Variants in BTG4 observed in about 807,000 individuals in gnomAD.
BTG4 encodes the protein protein BTG4.
A neutral mutation model predicts 19.3 loss-of-function variants in BTG4; 10 were observed. That is an observed-to-expected ratio of 0.52 (90% confidence interval 0.32 to 0.88). The LOEUF is 0.88. Among genes scored for constraint, BTG4 ranks in the 40% least tolerant of loss-of-function variants. The pLI is 0.04. For missense variants in BTG4, 238 were observed against 281.9 expected, an observed-to-expected ratio of 0.84 and a Z score of 1.11; for synonymous variants, 91 against 95.7, an observed-to-expected ratio of 0.95 and a Z score of 0.29.
downstream of BTG4, among the ~76,000 whole-genome samples, chr11:111,464,171 G>C (rs1004432695): frequency 6.6e-5 from 10 of 152,114 alleles, no homozygotes; most frequent in African/African-American, 1.9e-4. Flanking sequence ...TAATTTTTTT[G>C]TATTTTTAGT....
the BTG4 span, among the ~76,000 whole-genome samples, chr11:111,405,615 C>T: frequency 6.6e-6 from 1 of 151,950 alleles, no homozygotes; most frequent in African/African-American, 2.4e-5. Flanking sequence ...AACAATAACC[C>T]AATGTTGCCA....
At chr11:111,484,237 A>G (rs1864914925) in intron 5 of BTG4, among the ~76,000 whole-genome samples, 1 of 152,158 alleles carries the variant, frequency 6.6e-6, no homozygotes, top group Admixed American at 6.5e-5. Flanking sequence ...TTCAATCTGA[A>G]AAAAAGGGAT....
At chr11:111,410,810 T>TC in the BTG4 span, among the ~76,000 whole-genome samples, 1 of 152,216 alleles carries the variant, frequency 6.6e-6, no homozygotes, top group East Asian at 1.9e-4. Flanking sequence ...TCCACAATTT[T>TC]CCCCATCAAA....
chr11:111,423,926 G>A, the BTG4 span, among the ~76,000 whole-genome samples: 3 of 152,080 alleles, frequency 2.0e-5, no homozygotes, highest in Non-Finnish European at 2.9e-5. Flanking sequence ...AGAGGAGGCC[G>A]AGAAAGCCAG....
the BTG4 span, among the ~76,000 whole-genome samples, chr11:111,452,840 T>G: frequency 6.6e-6 from 1 of 152,132 alleles, no homozygotes; most frequent in Non-Finnish European, 1.5e-5. Context: ...AGGACAGACT[T>G]TCCGGAAGAG....
the BTG4 span, among the ~76,000 whole-genome samples, chr11:111,390,598 C>T: frequency 6.6e-6 from 1 of 152,192 alleles, no homozygotes; most frequent in East Asian, 1.9e-4. Context: ...AGCCAATGCC[C>T]TCACAATAAC....
intron 5 of BTG4, among the ~76,000 whole-genome samples, chr11:111,474,735 C>T (rs962099799): frequency 6.6e-6 from 1 of 152,084 alleles, no homozygotes; most frequent in Admixed American, 6.6e-5. Flanking sequence ...TAGATACTAC[C>T]AACTAGAGTT....
chr11:111,447,214 G>C, the BTG4 span, among the ~76,000 whole-genome samples: 1 of 152,232 alleles, frequency 6.6e-6, no homozygotes, highest in Non-Finnish European at 1.5e-5. Flanking sequence ...GATACATCAT[G>C]TGGTTATCCA....
the BTG4 span, among the ~76,000 whole-genome samples, chr11:111,409,502 C>G: frequency 6.6e-6 from 1 of 152,258 alleles, no homozygotes; most frequent in East Asian, 1.9e-4. Flanking sequence ...TCTGTCTTCC[C>G]ATGTGCCCAC....
rs148679276 is a variant in BTG4, at chr11:111,505,953, T to C, written c.-27+6228A>G. On this transcript the variant is annotated intron_variant, in intron 1 of 4. Coordinates refer to ENST00000692032, the MANE Select transcript of BTG4 (RefSeq NM_001367975.1). ...CATCTCACTCCAGTCAGAATGGCTT[T>C]TATTAAAAAGTCAAAAAACAACAGA... is the stretch of plus-strand genomic sequence containing the variant. Among the ~76,000 whole-genome samples the C allele has an allele frequency of 1.5e-4, 23 of 152,234 alleles. No homozygotes were observed. In the East Asian group the frequency reaches 4.4e-3, roughly 29 times the overall value.
the BTG4 span, among the ~76,000 whole-genome samples, chr11:111,444,874 T>G: frequency 6.6e-6 from 1 of 152,060 alleles, no homozygotes; most frequent in African/African-American, 2.4e-5. Context: ...GCGTGGGGGA[T>G]TCCTCTGTGA....
downstream of BTG4, among the ~76,000 whole-genome samples, chr11:111,465,013 GAAAGGGAAAAAATGA>G (rs1264834298): frequency 1.3e-5 from 2 of 152,004 alleles, no homozygotes; most frequent in African/African-American, 4.8e-5. Context: ...TGTGAGGCAG[GAAAGGGAAAAAATGA>G]AAAGGGAAAA....
At chr11:111,455,391 G>C in the BTG4 span, 1 of 250,174 alleles carries the variant, frequency 4.0e-6, no homozygotes, top group Admixed American at 4.5e-5. Context: ...CCAGGCTGCT[G>C]AGGCAGCTGC....
At chr11:111,431,365 T>G in the BTG4 span, among the ~76,000 whole-genome samples, 1 of 152,190 alleles carries the variant, frequency 6.6e-6, no homozygotes, top group Admixed American at 6.5e-5. Context: ...AGCAAGCCTA[T>G]GATGTAGGCA....
chr11:111,493,684 C>T (rs971489716), downstream of BTG4, among the ~76,000 whole-genome samples: 11 of 152,126 alleles, frequency 7.2e-5, no homozygotes, highest in African/African-American at 2.7e-4. Flanking sequence ...AACTCCCACA[C>T]TATAGTAGAA....
the BTG4 span, among the ~76,000 whole-genome samples, chr11:111,436,311 C>T: frequency 1.2e-4 from 19 of 152,266 alleles, no homozygotes; most frequent in South Asian, 3.9e-3. Flanking sequence ...TTAGACCTGG[C>T]AACTGGATAA....
At chr11:111,416,845 A>G in the BTG4 span, 1 of 152,222 alleles carries the variant, frequency 6.6e-6, no homozygotes, top group Non-Finnish European at 1.5e-5. Flanking sequence ...GAAAAACTCA[A>G]TAACTCATAG....
chr11:111,416,298 C>G, the BTG4 span: 1 of 152,010 alleles, frequency 6.6e-6, no homozygotes, highest in African/African-American at 2.4e-5. Context: ...GCCTCTCTTC[C>G]TCTCTCTCCC....
chr11:111,451,457 C>T, the BTG4 span: 1 of 439,454 alleles, frequency 2.3e-6, no homozygotes, highest in Non-Finnish European at 4.7e-6. Flanking sequence ...CCCATTATTT[C>T]CCCTCTCTTT....
Sources: allele counts gnomAD v4.1 joint callset (sites outside exome capture counted in the v4.1 genomes callset), GRCh38; gene constraint gnomAD v4.1.1; transcripts MANE v1.5; gene names NCBI Gene and HGNC (gene_info 2026-07-23, HGNC 2026-07-21).